Variants in MCTP2 observed in about 807,000 individuals in gnomAD.
The protein encoded by MCTP2 is multiple C2 and transmembrane domain containing 2, also known as multiple C2 and transmembrane domain-containing protein 2.
Under a neutral mutation model 111.6 loss-of-function variants are expected in MCTP2, and 132 were observed. The ratio of observed to expected loss-of-function variants is 1.18; its 90% CI spans 1.03 to 1.37. MCTP2 has a LOEUF of 1.37. MCTP2 is among the 40% of genes most tolerant of loss of function. The pLI, the probability that MCTP2 is intolerant of heterozygous loss-of-function variation, is 0.00. For missense variants in MCTP2, 1,183 were observed against 1,067.9 expected (o/e 1.11, Z -1.50); for synonymous variants, 395 against 387.7 (o/e 1.02, Z -0.22).
At chr15:94,285,102 A>G (rs1379926638) in intron 1 of MCTP2, among the ~76,000 whole-genome samples, 1 of 152,228 alleles carries the variant, frequency 6.6e-6, no homozygotes, top group Non-Finnish European at 1.5e-5. Context: ...AGTGGCAAAG[A>G]GAAAAGTGGA....
intron 12 of MCTP2, among the ~76,000 whole-genome samples, chr15:94,382,587 G>A (rs1240604479): frequency 6.6e-6 from 1 of 152,204 alleles, no homozygotes. Context: ...CTTCATACAG[G>A]CTCCTGCAAG....
At chr15:94,245,299 T>A (rs187104579) in intron 1 of MCTP2, among the ~76,000 whole-genome samples, 1 of 142,650 alleles carries the variant, frequency 7.0e-6, no homozygotes, top group African/African-American at 2.5e-5. Flanking sequence ...TGTATATATT[T>A]ATATACATAT....
In MCTP2 at chr15:94,346,908, T is replaced by G. The variant is rs1231058268; in HGVS notation, c.1005+1744T>G. The stretch of plus-strand genomic sequence containing the variant: ...TGTCTTAGAACTGAGCTGTTTGTCT[T>G]TTTTTTGCTTTTTTCCCATCATGGT... On this transcript the variant is annotated intron_variant, in intron 8 of 22. Coordinates refer to ENST00000357742, the MANE Select transcript of MCTP2 (RefSeq NM_001385001.1). 9.6e-5 allele frequency among the ~76,000 whole-genome samples: 9 copies of G among 93,858 alleles called. No homozygotes were observed. The East Asian group carries it at 3.2e-3, about 34-fold the overall frequency. The allele number at this position is 93,858 out of a possible 152,430, so 61.6% of individuals were successfully genotyped here. A position where few individuals can be genotyped will look rare whatever the true frequency, so the allele number is the denominator to read the frequency against.
chr15:94,345,023 G>C, intron 7 of MCTP2, 106 bp from the exon 8 acceptor site: 1 of 1,287,298 alleles, frequency 7.8e-7, no homozygotes, highest in Non-Finnish European at 1.1e-6. Context: ...TTAATTATCT[G>C]AATGTAACCT....
chr15:94,382,869 G>C (rs980250434), intron 12 of MCTP2, among the ~76,000 whole-genome samples: 2 of 152,248 alleles, frequency 1.3e-5, no homozygotes, highest in African/African-American at 4.8e-5. Context: ...GGAGCCATTC[G>C]TTCTTTCCCT....
At chr15:94,267,693 T>A (rs554911878) in intron 1 of MCTP2, among the ~76,000 whole-genome samples, 5 of 152,156 alleles carry the variant, frequency 3.3e-5, no homozygotes, top group African/African-American at 9.6e-5. Context: ...TTTACATTCT[T>A]ATAATCAATG....
intron 2 of MCTP2, among the ~76,000 whole-genome samples, chr15:94,311,893 A>G (rs1429477304): frequency 1.3e-5 from 2 of 152,224 alleles, no homozygotes; most frequent in African/African-American, 2.4e-5. Context: ...GAGAATATAT[A>G]TGGTCCAGTC....
At chr15:94,264,193 A>G (rs1304735968) in intron 1 of MCTP2, among the ~76,000 whole-genome samples, 1 of 152,174 alleles carries the variant, frequency 6.6e-6, no homozygotes, top group Admixed American at 6.5e-5. Flanking sequence ...CAGTGTAGTG[A>G]TGAAGAAAGT....
chr15:94,442,893 T>A (rs1312308166), intron 18 of MCTP2, 26 bp from the exon 19 acceptor site: 1 of 1,608,274 alleles, frequency 6.2e-7, no homozygotes, highest in East Asian at 2.2e-5. Context: ...TTGATGTTTC[T>A]ATAAACACGT....
rs1461322585 is a variant in MCTP2 at position 94,470,451 on chromosome 15, G to A, written c.2470+9G>A. ...CATCATTTTAATCTGGGGTAAGTTT[G>A]GAATGGTCCTTTTGCTAGCAATCAA... On this transcript the variant is annotated intron_variant, in intron 21 of 22. Coordinates refer to ENST00000357742, the MANE Select transcript of MCTP2 (RefSeq NM_001385001.1). The A allele has an allele frequency of 2.6e-6, 4 of 1,543,444 alleles. No individual in the cohort carries two copies. The highest frequency in any genetic ancestry group is 3.6e-6 in the Non-Finnish European group (4 of 1,115,748).
At chr15:94,243,294 C>G (rs143222100) in intron 1 of MCTP2, among the ~76,000 whole-genome samples, 1 of 145,992 alleles carries the variant, frequency 6.8e-6, no homozygotes, top group Admixed American at 6.7e-5. Context: ...TGCGTATATG[C>G]ATATATACAT....
chr15:94,402,938 T>C lies in MCTP2; in HGVS notation c.2085+919T>C, dbSNP rs1043072822. Reference sequence around the variant, plus strand: ...TTCTGCTTCTGTTTTCTACTGCCAATATATGCTGAATGTTCTCTCTTAGCC... The same window carrying C: ...TTCTGCTTCTGTTTTCTACTGCCAACATATGCTGAATGTTCTCTCTTAGCC... On this transcript the variant is annotated intron_variant, in intron 17 of 22. Transcript: ENST00000357742. 6.7e-6 allele frequency: 7 copies of C among 1,050,690 alleles called. No individual in the cohort carries two copies. The East Asian group carries it at 5.0e-4, about 75-fold the overall frequency. The allele number at this position is 1,050,690 out of a possible 1,614,324, so 65.1% of individuals were successfully genotyped here.
intron 1 of MCTP2, among the ~76,000 whole-genome samples, chr15:94,268,778 CTT>C (rs68175885): frequency 2.3e-3 from 324 of 137,994 alleles, no homozygotes; most frequent in African/African-American, 8.1e-3. Flanking sequence ...TCTACATTGA[CTT>C]TTTTTTTTTT....
At chr15:94,416,081 A>G (rs1044400979) in intron 17 of MCTP2, among the ~76,000 whole-genome samples, 1 of 152,020 alleles carries the variant, frequency 6.6e-6, no homozygotes, top group African/African-American at 2.4e-5. Context: ...AGCATTTTCT[A>G]CCCACTATGC....
chr15:94,325,754 C>T (rs577336265), intron 4 of MCTP2, among the ~76,000 whole-genome samples: 4 of 150,798 alleles, frequency 2.7e-5, no homozygotes, highest in East Asian at 1.9e-4. Flanking sequence ...CTGGTGTTGA[C>T]GAAGGCACAC....
At chr15:94,366,604 T>G (rs2079197279) in intron 10 of MCTP2, among the ~76,000 whole-genome samples, 1 of 152,186 alleles carries the variant, frequency 6.6e-6, no homozygotes, top group African/African-American at 2.4e-5. Context: ...CAGCTTAGGG[T>G]AAGAATCTAT....
intron 1 of MCTP2, among the ~76,000 whole-genome samples, chr15:94,243,718 T>C (rs190372798): frequency 8.2e-6 from 1 of 122,470 alleles, no homozygotes; most frequent in Non-Finnish European, 1.7e-5. Flanking sequence ...CATATATGTA[T>C]ACACATACAT....
Position 94,471,273 on chromosome 15 carries a change from A to T in MCTP2, c.2470+831A>T, listed in dbSNP as rs564203957. ...AGCTATGACTGCCGATGAATTCTCA[A>T]TGCTCGTCACTTCCAGGGATCTTCA... On this transcript the variant is annotated intron_variant, in intron 21 of 22. Transcript: ENST00000357742. 1.8e-4 allele frequency among the ~76,000 whole-genome samples: 28 copies of T among 152,284 alleles called. No individual in the cohort carries two copies. In the South Asian group the frequency reaches 4.6e-3, roughly 25 times the overall value.
intron 21 of MCTP2, 149 bp from the exon 22 acceptor site, chr15:94,476,547 T>C (rs1278452912): frequency 3.8e-6 from 2 of 524,490 alleles, no homozygotes; most frequent in Non-Finnish European, 6.7e-6. Context: ...ATATCCCCTC[T>C]CCCCCGAGTC....
Sources: allele counts gnomAD v4.1 joint callset (sites outside exome capture counted in the v4.1 genomes callset), GRCh38; gene constraint gnomAD v4.1.1; transcripts MANE v1.5; gene names NCBI Gene and HGNC (gene_info 2026-07-23, HGNC 2026-07-21).